RAB32: variants seen among roughly 807,000 people sequenced by gnomAD.
RAB32 encodes RAB32, member RAS oncogene family, also known as ras-related protein Rab-32.
Under a neutral mutation model 17.5 loss-of-function variants are expected in RAB32, and 17 were observed. That is an observed-to-expected ratio of 0.97 (90% confidence interval 0.67 to 1.46). The LOEUF (loss-of-function observed/expected upper bound fraction) is 1.46, where lower values mean the gene tolerates loss of function less well. Ranked by LOEUF, RAB32 falls within the 40% of genes most tolerant of loss-of-function variation. The pLI, the probability that RAB32 is intolerant of heterozygous loss-of-function variation, is 0.00. For synonymous variants in RAB32, 115 were observed against 111.1 expected (o/e 1.04, Z -0.22); for missense variants, 288 against 284.3 (o/e 1.01, Z -0.09).
chr6:146,551,999 G>T (rs1380403579), intron 2 of RAB32, among the ~76,000 whole-genome samples: 1 of 152,158 alleles, frequency 6.6e-6, no homozygotes, highest in Non-Finnish European at 1.5e-5. Flanking sequence ...CTGCCTAAAT[G>T]TCACTAAGGT....
intron 1 of RAB32, among the ~76,000 whole-genome samples, chr6:146,547,726 A>C (rs1310782799): frequency 1.1e-4 from 17 of 148,420 alleles, no homozygotes; most frequent in Admixed American, 7.4e-4. Flanking sequence ...GATTCACAAA[A>C]AAAAAAAAAA....
Position 146,549,637 on chromosome 6 carries a change from G to C in RAB32, c.424G>C (p.Ala142Pro), listed in dbSNP as rs1458855069. 3 of 1,614,118 alleles carry C rather than the reference G, an allele frequency of 1.9e-6. No individual in the cohort carries two copies. Among genetic ancestry groups the C allele is most frequent in the Non-Finnish European group, 2.5e-6 (3 of 1,180,004 alleles). Residue 142 changes from alanine to proline, a missense_variant, in exon 2 of 3, where the codon GCT (alanine) becomes CCT (proline). Physicochemically the swap from Ala to Pro is conservative, Grantham distance 27. Transcript: ENST00000367495. ...CAGCCCTATCCCTGCTGTCCTCTTG[G>C]CTAACAAATGTGACCAGAACAAGGA... ...NGSPIPAVLL[A>P]NKCDQNKDSS...
At chr6:146,548,161 G>A (rs1779846856) in intron 1 of RAB32, among the ~76,000 whole-genome samples, 1 of 151,952 alleles carries the variant, frequency 6.6e-6, no homozygotes, top group South Asian at 2.1e-4. Flanking sequence ...CATAATAGTA[G>A]GGTTTCATAT....
Position 146,549,599 on chromosome 6 carries a change from A to T in RAB32, c.386A>T (p.His129Leu), listed in dbSNP as rs146519930. 1.1e-4 allele frequency: 172 copies of T among 1,614,208 alleles called. 1 individual carries two copies. The African/African-American group carries it at 1.9e-3, about 18-fold the overall frequency. ...AAAAGTGATCTGGATAGTAAAGTTC[A>T]TCTTCCAAATGGCAGCCCTATCCCT... Reference protein sequence around the residue: ...KWKSDLDSKVHLPNGSPIPAV... With the variant: ...KWKSDLDSKVLLPNGSPIPAV... The change falls in exon 2 of 3, where the codon CAT becomes CTT. Residue 129 changes from histidine to leucine, a missense_variant. Physicochemically the swap from His to Leu is moderately conservative, Grantham distance 99. Transcript: ENST00000367495.
chr6:146,546,380 T>A (rs1321342264), intron 1 of RAB32, among the ~76,000 whole-genome samples: 1 of 151,940 alleles, frequency 6.6e-6, no homozygotes, highest in African/African-American at 2.4e-5. Flanking sequence ...GAGATAGAAT[T>A]TTAATATCTC....
chr6:146,552,131 C>G (rs1198706097), intron 2 of RAB32, among the ~76,000 whole-genome samples: 1 of 152,124 alleles, frequency 6.6e-6, no homozygotes, highest in Non-Finnish European at 1.5e-5. Context: ...ATCATTTCAC[C>G]TTTATGGCAA....
chr6:146,544,162 G>C, intron 1 of RAB32, 41 bp downstream of exon 1: 2 of 1,564,928 alleles, frequency 1.3e-6, no homozygotes, highest in Non-Finnish European at 1.7e-6. Flanking sequence ...AGCCCCGCCG[G>C]GCCGCCTGGC....
At chr6:146,546,740 C>T (rs1318515970) in intron 1 of RAB32, among the ~76,000 whole-genome samples, 1 of 147,818 alleles carries the variant, frequency 6.8e-6, no homozygotes, top group Admixed American at 6.7e-5. Flanking sequence ...GAGCCAGCTA[C>T]TTGCCATAAC....
In RAB32 at chr6:146,543,952, G is replaced by A. The variant is rs1358749070; in HGVS notation, c.81G>A (p.Lys27=). 6.2e-7 allele frequency: 1 copy of A among 1,613,028 alleles called. No individual in the cohort carries two copies. Among genetic ancestry groups the A allele is most frequent in the Admixed American group, 1.7e-5 (1 of 59,986 alleles). ...CCGAGACCCGCGAGCACCTCTTCAAGGTGCTGGTGATCGGCGAGCTTGGCG... is the reference window on the plus strand; with the variant it reads ...CCGAGACCCGCGAGCACCTCTTCAAAGTGCTGGTGATCGGCGAGCTTGGCG... ...PAPETREHLF[K]VLVIGELGVG... Residue 27 remains lysine (K), a synonymous_variant, in exon 1 of 3, where the codon AAG becomes AAA. Coordinates refer to ENST00000367495, the MANE Select transcript of RAB32 (RefSeq NM_006834.5).
intron 1 of RAB32, among the ~76,000 whole-genome samples, chr6:146,546,426 C>CAAAAACAAAAAA (rs1371679615): frequency 4.4e-5 from 4 of 91,830 alleles, no homozygotes; most frequent in Non-Finnish European, 1.1e-4. Context: ...AGTGAGAGAC[C>CAAAAACAAAAAA]AAAAACAAAA....
Position 146,554,709 on chromosome 6 carries a change from TC to T in RAB32, c.*105del, listed in dbSNP as rs939506639. On this transcript the variant is annotated 3_prime_UTR_variant, in exon 3 of 3. Coordinates refer to ENST00000367495, the MANE Select transcript of RAB32 (RefSeq NM_006834.5). Reference sequence around the variant, plus strand: ...TGGGAGTCTTCCCACATGTGGCACTTCAAAAGGCAGCACCACTGGGCGCCTG... The same window carrying T: ...TGGGAGTCTTCCCACATGTGGCACTTAAAAGGCAGCACCACTGGGCGCCTG... The T allele has an allele frequency of 2.0e-4, 267 of 1,329,308 alleles. 1 individual carries two copies. The African/African-American group carries it at 3.0e-3, about 15-fold the overall frequency. The allele number at this position is 1,329,308 out of a possible 1,614,324, so 82.3% of individuals were successfully genotyped here. A position where few individuals can be genotyped will look rare whatever the true frequency, so the allele number is the denominator to read the frequency against.
At chr6:146,549,289 A>T (rs188404435) in intron 1 of RAB32, among the ~76,000 whole-genome samples, 175 bp from the exon 2 acceptor site, 213 of 152,340 alleles carry the variant, frequency 1.4e-3, no homozygotes, top group Non-Finnish European at 1.5e-3. Context: ...ATTATCAGAC[A>T]CATCTGCTCT....
rs1779869151 is a variant in RAB32, at chr6:146,549,501, C to T, written c.288C>T (p.Tyr96=). 6.2e-7 allele frequency: 1 copy of T among 1,614,068 alleles called. No homozygotes were observed. The highest frequency in any genetic ancestry group is 1.1e-5 in the South Asian group (1 of 91,086). ...ERFGNMTRVY[Y]KEAVGAFVVF... ...TTGGCAACATGACCCGAGTATACTA[C>T]AAGGAAGCTGTTGGTGCTTTTGTAG... The change falls in exon 2 of 3, where the codon TAC becomes TAT. Residue 96 remains tyrosine (Y), a synonymous_variant. Transcript: ENST00000367495.
At chr6:146,554,318 C>A (rs1280794456) in intron 2 of RAB32, 138 bp from the exon 3 acceptor site, 11 of 686,588 alleles carry the variant, frequency 1.6e-5, no homozygotes, top group Non-Finnish European at 2.5e-5. Context: ...AGTGGGCACA[C>A]ACTTTAGTAT....
rs780549974 is a variant in RAB32, at chr6:146,544,103, C to G, written c.232C>G (p.Gln78Glu). 9 of 1,612,288 alleles carry G rather than the reference C, an allele frequency of 5.6e-6. No homozygotes were observed. The highest frequency in any genetic ancestry group is 7.6e-6 in the Non-Finnish European group (9 of 1,179,276). ...GGACAGCAGGACTCTGGTGCGCCTGCAGCTGTGGGACATCGCGGGTAAGCG... is the reference window on the plus strand; with the variant it reads ...GGACAGCAGGACTCTGGTGCGCCTGGAGCTGTGGGACATCGCGGGTAAGCG... ...NWDSRTLVRL[Q>E]LWDIAGQERF... The change falls in exon 1 of 3, where the codon CAG (glutamine) becomes GAG (glutamate). Residue 78 changes from glutamine (Q) to glutamate (E), a missense_variant. Coordinates refer to ENST00000367495, the MANE Select transcript of RAB32 (RefSeq NM_006834.5).
Position 146,549,466 on chromosome 6 carries a change from C to A in RAB32, c.253C>A (p.Gln85Lys). 1 of 1,612,874 alleles carries A rather than the reference C, an allele frequency of 6.2e-7. No homozygotes were observed. The highest frequency in any genetic ancestry group is 8.5e-7 in the Non-Finnish European group (1 of 1,179,282). Residue 85 changes from glutamine to lysine, a missense_variant and splice_region_variant, in exon 2 of 3, where the codon CAG becomes AAG. Transcript: ENST00000367495. ...TTTTTTCTTATATTTATGTCTAGGG[C>A]AGGAGCGATTTGGCAACATGACCCG... Reference protein sequence around the residue: ...VRLQLWDIAGQERFGNMTRVY... With the variant: ...VRLQLWDIAGKERFGNMTRVY...
rs959148006 is a variant in RAB32, at chr6:146,550,727, G to GC, written c.528+986_528+987insC. Among the ~76,000 whole-genome samples, 3 of 149,020 alleles carry GC rather than the reference G, an allele frequency of 2.0e-5. No homozygotes were observed. The East Asian group carries it at 6.1e-4, about 30-fold the overall frequency. On this transcript the variant is annotated intron_variant, in intron 2 of 2. Transcript: ENST00000367495. ...AATTATACATATATAAAATGTTTGG[G>GC]GGGGGGGTTACGTGCATTGGAACTT...
At chr6:146,551,808 C>T (rs762623137) in intron 2 of RAB32, among the ~76,000 whole-genome samples, 15 of 152,130 alleles carry the variant, frequency 9.9e-5, no homozygotes, top group African/African-American at 3.6e-4. Flanking sequence ...GGATTACACG[C>T]AGAGGTGAAA....
intron 1 of RAB32, among the ~76,000 whole-genome samples, chr6:146,546,432 C>A (rs200567164): frequency 3.4e-5 from 5 of 145,942 alleles, no homozygotes; most frequent in African/African-American, 7.9e-5. Context: ...AGACCAAAAA[C>A]AAAAAAAAAA....
Sources: gnomAD v4.1 joint callset for allele counts (sites outside exome capture counted in the v4.1 genomes callset) on GRCh38, gnomAD v4.1.1 for gene constraint, MANE v1.5 for transcripts, NCBI Gene and HGNC (gene_info 2026-07-23, HGNC 2026-07-21) for gene names.